The following CEP192 variants were observed in gnomAD, a reference collection of about 807,000 sequenced individuals.
CEP192 encodes the protein centrosomal protein 192.
In CEP192, 151 loss-of-function variants were observed where a neutral mutation model predicts 271.8. The ratio of observed to expected loss-of-function variants is 0.56; its 90% CI spans 0.49 to 0.64. The LOEUF is 0.64. Ranked by LOEUF, CEP192 falls within the 30% of genes least tolerant of loss-of-function variation. CEP192 has a pLI of 0.00. For synonymous variants in CEP192, 995 were observed against 1,076.5 expected, an observed-to-expected ratio of 0.92 and a Z score of 1.48; for missense variants, 2,910 against 3,020.5, an observed-to-expected ratio of 0.96 and a Z score of 0.86.
chr18:13,068,984 A>C lies in CEP192; in HGVS notation c.4955A>C (p.Asp1652Ala). The C allele has an allele frequency of 6.2e-7, 1 of 1,614,152 alleles. No homozygotes were observed. Among genetic ancestry groups the C allele is most frequent in the Non-Finnish European group, 8.5e-7 (1 of 1,180,022 alleles). The change falls in exon 25 of 45, where the codon GAC becomes GCC. Residue 1652 changes from aspartate (D) to alanine (A), a missense_variant. Transcript: ENST00000506447. ...ATAGCTAGGATCCATGCTCCCAGGG[A>C]CTTGCAGGTAGCCTCAGTCCTCCTT... ...AGIARIHAPRDLQTMHFLAKV... is the reference protein window; with the variant it reads ...AGIARIHAPRALQTMHFLAKV...
intron 15 of CEP192, among the ~76,000 whole-genome samples, chr18:13,048,441 G>C (rs2036595982): frequency 6.6e-6 from 1 of 152,152 alleles, no homozygotes; most frequent in Non-Finnish European, 1.5e-5. Flanking sequence ...CTGCAATTTG[G>C]ATACACCAGA....
At chr18:13,060,017 T>A (rs1186292663) in intron 21 of CEP192, among the ~76,000 whole-genome samples, 1 of 152,084 alleles carries the variant, frequency 6.6e-6, no homozygotes, top group African/African-American at 2.4e-5. Context: ...GAGGGAGAGA[T>A]GGGAGGGTGC....
Position 13,119,782 on chromosome 18 carries a change from TAAAC to T in CEP192, c.7475+2143_7475+2146del, listed in dbSNP as rs970063708. On this transcript the variant is annotated intron_variant, in intron 44 of 44. Coordinates refer to ENST00000506447, the MANE Select transcript of CEP192 (RefSeq NM_032142.4). ...TAAATAAAATATTTTTAAAAGCTTC[TAAAC>T]AAAGTTTCATTTAAAAAAATTATCT... 5.9e-5 allele frequency among the ~76,000 whole-genome samples: 9 copies of T among 152,222 alleles called. 1 individual carries two copies. The highest frequency in any genetic ancestry group is 8.8e-5 in the Non-Finnish European group (6 of 68,032).
intron 39 of CEP192, 193 bp downstream of exon 39, chr18:13,103,781 C>T: frequency 1.6e-6 from 1 of 637,010 alleles, no homozygotes; most frequent in Non-Finnish European, 2.9e-6. Context: ...GCCTCAACCT[C>T]CCAGGCTCAA....
chr18:13,073,442 A>G (rs184052891), intron 30 of CEP192, among the ~76,000 whole-genome samples: 14 of 152,340 alleles, frequency 9.2e-5, no homozygotes, highest in African/African-American at 3.4e-4. Flanking sequence ...TTTAAAATGT[A>G]CCCAGCTTTT....
rs186168974 is a variant in CEP192 at position 13,047,786 on chromosome 18, C to T, written c.2068-1073C>T. Among the ~76,000 whole-genome samples, 879 of 152,180 alleles carry T rather than the reference C, an allele frequency of 5.8e-3. 14 individuals are homozygous for T. The highest frequency in any genetic ancestry group is 0.02 in the African/African-American group (841 of 41,502). Reference sequence around the variant, plus strand: ...ACTCATGGTTCCTATTTATGTCTTTCTTATAAGTAATTCTAACAGTTGAAT... The same window carrying T: ...ACTCATGGTTCCTATTTATGTCTTTTTTATAAGTAATTCTAACAGTTGAAT... On this transcript the variant is annotated intron_variant, in intron 15 of 44. Coordinates refer to ENST00000506447, the MANE Select transcript of CEP192 (RefSeq NM_032142.4).
chr18:13,037,028 C>T (rs1472037138), intron 11 of CEP192, among the ~76,000 whole-genome samples: 1 of 152,182 alleles, frequency 6.6e-6, no homozygotes, highest in Non-Finnish European at 1.5e-5. Flanking sequence ...ACGTTAGTGA[C>T]AAAATAACTA....
chr18:13,028,171 C>T (rs1267529759), intron 9 of CEP192, among the ~76,000 whole-genome samples: 1 of 152,136 alleles, frequency 6.6e-6, no homozygotes. Flanking sequence ...TGTGTGTTCA[C>T]GTGGCCTTGT....
intron 34 of CEP192, among the ~76,000 whole-genome samples, chr18:13,093,797 G>A (rs478399): frequency 0.64 from 96,846 of 152,142 alleles, 31,426 homozygotes; most frequent in African/African-American, 0.77. Context: ...TTTCTTTACC[G>A]CAAATAATTC....
chr18:13,033,260 A>G (rs1038837008), intron 11 of CEP192, among the ~76,000 whole-genome samples: 6 of 152,224 alleles, frequency 3.9e-5, no homozygotes, highest in Admixed American at 6.5e-5. Flanking sequence ...AAAAAGACCA[A>G]CTACCCCAAA....
chr18:13,066,963 CTGTGTGTGTG>C lies in CEP192; in HGVS notation c.4489-841_4489-832del, dbSNP rs56795701. Among the ~76,000 whole-genome samples the C allele has an allele frequency of 1.0e-4, 15 of 143,512 alleles. No homozygotes were observed. The East Asian group carries it at 2.1e-3, about 20-fold the overall frequency. 94.1% of individuals were successfully genotyped at this position (143,512 alleles called of 152,430 possible). ...AGAGCAAAACAAAATGTGAGCACGTCTGTGTGTGTGTGTGTGTGTGTGTGTGTGTGTGTGT... is the reference window on the plus strand; with the variant it reads ...AGAGCAAAACAAAATGTGAGCACGTCTGTGTGTGTGTGTGTGTGTGTGTGT... On this transcript the variant is annotated intron_variant, in intron 21 of 44. Transcript: ENST00000506447.
In CEP192 at chr18:13,042,189, A is replaced by G. The variant is rs752085556; in HGVS notation, c.1937-15A>G. The G allele has an allele frequency of 7.5e-6, 12 of 1,604,556 alleles. No homozygotes were observed. Among genetic ancestry groups the G allele is most frequent in the African/African-American group, 2.7e-5 (2 of 74,684 alleles). On this transcript the variant is annotated splice_polypyrimidine_tract_variant and intron_variant, in intron 14 of 44. Coordinates refer to ENST00000506447, the MANE Select transcript of CEP192 (RefSeq NM_032142.4). Reference sequence around the variant, plus strand: ...AGTGTATACTTATAAGTTGAATATTATATATTTCCTGCAGGAGATTTAAAT... The same window carrying G: ...AGTGTATACTTATAAGTTGAATATTGTATATTTCCTGCAGGAGATTTAAAT...
rs1336741406 is a variant in CEP192 at position 13,056,290 on chromosome 18, C to T, written c.3700C>T (p.His1234Tyr). The T allele has an allele frequency of 3.1e-6, 5 of 1,613,996 alleles. No homozygotes were observed. In the East Asian group the frequency reaches 8.9e-5, roughly 29 times the overall value. Residue 1234 changes from histidine to tyrosine, a missense_variant, in exon 19 of 45, where the codon CAC becomes TAC. Coordinates refer to ENST00000506447, the MANE Select transcript of CEP192 (RefSeq NM_032142.4). Reference protein sequence around the residue: ...QCTPIPSSTVHSSVADMQNMP... With the variant: ...QCTPIPSSTVYSSVADMQNMP... Reference sequence around the variant, plus strand: ...TACTCCTATTCCCAGCAGCACAGTTCACAGCTCTGTGGCTGACATGCAGAA... The same window carrying T: ...TACTCCTATTCCCAGCAGCACAGTTTACAGCTCTGTGGCTGACATGCAGAA...
rs1190551667 is a variant in CEP192 at position 13,018,578 on chromosome 18, G to A, written c.888G>A (p.Glu296=). The A allele has an allele frequency of 6.5e-7, 1 of 1,540,788 alleles. No individual in the cohort carries two copies. The highest frequency in any genetic ancestry group is 2.5e-5 in the East Asian group (1 of 40,676). The change falls in exon 8 of 45, where the codon GAG becomes GAA. Residue 296 remains glutamate, a synonymous_variant. Transcript: ENST00000506447. ...DSHSSETTHK[E]SEESQVICLP... ...ACTCTTCTGAAACAACTCACAAAGA[G>A]TCTGAGGAAAGCCAAGTTATTTGTC...
chr18:13,073,787 T>C lies in CEP192; in HGVS notation c.5616+602T>C, dbSNP rs556440471. On this transcript the variant is annotated intron_variant, in intron 30 of 44. Transcript: ENST00000506447. ...CCCGTGCATGGGGCTGGAGCCCTCATGGCTTAATCACTTCCCCAAAGGCCC... is the reference window on the plus strand; with the variant it reads ...CCCGTGCATGGGGCTGGAGCCCTCACGGCTTAATCACTTCCCCAAAGGCCC... 1.7e-4 allele frequency among the ~76,000 whole-genome samples: 26 copies of C among 152,326 alleles called. No individual in the cohort carries two copies. The East Asian group carries it at 5.0e-3, about 29-fold the overall frequency.
At position 13,057,659 on chromosome 18, in the gene CEP192, A is replaced by C. The variant is rs141758949; in HGVS notation, c.4183A>C (p.Ser1395Arg). The C allele has an allele frequency of 4.1e-5, 66 of 1,614,130 alleles. No individual in the cohort carries two copies. In the African/African-American group the frequency reaches 8.5e-4, roughly 21 times the overall value. Reference protein sequence around the residue: ...CVGIASQTLLSVLNPTDRWLQ... With the variant: ...CVGIASQTLLRVLNPTDRWLQ... ...CGGGATCGCTTCCCAGACCCTCCTC[A>C]GTGTGCTTAATCCAACTGACCGCTG... The change falls in exon 20 of 45, where the codon AGT becomes CGT. Residue 1395 changes from serine (S) to arginine (R), a missense_variant. Transcript: ENST00000506447.
At chr18:13,090,384 C>A (rs1331383799) in intron 33 of CEP192, among the ~76,000 whole-genome samples, 1 of 152,126 alleles carries the variant, frequency 6.6e-6, no homozygotes. Flanking sequence ...AAAATTATTA[C>A]ATATATATTT....
At chr18:13,034,819 A>AT (rs1212500227) in intron 11 of CEP192, among the ~76,000 whole-genome samples, 35 of 110,338 alleles carry the variant, frequency 3.2e-4, no homozygotes, top group African/African-American at 9.8e-4. Flanking sequence ...ACTCTGTCTC[A>AT]TAAAAAAAAA....
chr18:13,029,178 A>C (rs2035475287), intron 9 of CEP192, among the ~76,000 whole-genome samples: 1 of 152,258 alleles, frequency 6.6e-6, no homozygotes, highest in African/African-American at 2.4e-5. Context: ...AAGGCACTGG[A>C]TTAATTTGCT....
Sources: gnomAD v4.1 joint callset for allele counts (sites outside exome capture counted in the v4.1 genomes callset) on GRCh38, gnomAD v4.1.1 for gene constraint, MANE v1.5 for transcripts, NCBI Gene and HGNC (gene_info 2026-07-23, HGNC 2026-07-21) for gene names.